The following NXPE2 variants were observed in gnomAD, a reference collection of about 807,000 sequenced individuals.
NXPE2 encodes NXPE family member 2.
NXPE2 carries 34 observed loss-of-function variants against 34.4 expected under a neutral mutation model. That is an observed-to-expected ratio of 0.99 (90% CI 0.75 to 1.31). The LOEUF (loss-of-function observed/expected upper bound fraction) is 1.31, where lower values mean the gene tolerates loss of function less well. Ranked by LOEUF, NXPE2 falls within the 40% of genes most tolerant of loss-of-function variation. The pLI is 0.00. For synonymous variants in NXPE2, 235 were observed against 231.3 expected (o/e 1.02, Z -0.15); for missense variants, 649 against 672.5 (o/e 0.97, Z 0.39).
At chr11:114,475,282 CG>C in the NXPE2 span, among the ~76,000 whole-genome samples, 1 of 118,192 alleles carries the variant, frequency 8.5e-6, no homozygotes, top group Non-Finnish European at 1.6e-5. Flanking sequence ...CTCGCTCTGT[CG>C]CCCAGGCTAG....
At chr11:114,813,230 C>T in the NXPE2 span, among the ~76,000 whole-genome samples, 2 of 152,218 alleles carry the variant, frequency 1.3e-5, no homozygotes, top group Non-Finnish European at 2.9e-5. Flanking sequence ...CCAGGAGCTG[C>T]CATGAGATCC....
At chr11:114,481,536 C>A in the NXPE2 span, among the ~76,000 whole-genome samples, 1 of 151,930 alleles carries the variant, frequency 6.6e-6, no homozygotes, top group African/African-American at 2.4e-5. Context: ...ATAAGAAATA[C>A]AAATCTAAAA....
chr11:114,632,699 T>TATATATATAAATTTATATATTTATATA, the NXPE2 span, among the ~76,000 whole-genome samples: 2 of 71,954 alleles, frequency 2.8e-5, no homozygotes, highest in Non-Finnish European at 4.8e-5. Context: ...TTTATATATT[T>TATATATATAAATTTATATATTTATATA]ATATAATATA....
At chr11:114,543,533 A>G in the NXPE2 span, among the ~76,000 whole-genome samples, 46 of 145,346 alleles carry the variant, frequency 3.2e-4, 1 homozygote, top group South Asian at 0.01. Context: ...AAAAAAAAAA[A>G]TCTTTTTAGA....
the NXPE2 span, among the ~76,000 whole-genome samples, chr11:114,627,332 T>C: frequency 6.6e-6 from 1 of 152,042 alleles, no homozygotes; most frequent in African/African-American, 2.4e-5. Context: ...TGGCAGAAAC[T>C]CTACAAGCCA....
chr11:114,485,081 T>G, the NXPE2 span, among the ~76,000 whole-genome samples: 570 of 152,340 alleles, frequency 3.7e-3, 4 homozygotes, highest in South Asian at 0.012. Flanking sequence ...TGTATGTATT[T>G]ATGGGGTATA....
chr11:114,587,947 C>T, the NXPE2 span, among the ~76,000 whole-genome samples: 1 of 152,092 alleles, frequency 6.6e-6, no homozygotes, highest in Non-Finnish European at 1.5e-5. Flanking sequence ...TTAATACTAT[C>T]CAACAATTAG....
the NXPE2 span, among the ~76,000 whole-genome samples, chr11:114,786,366 CCGCCCCA>C: frequency 2.3e-5 from 3 of 132,018 alleles, no homozygotes; most frequent in African/African-American, 8.3e-5. Context: ...CCCCCGCCCC[CCGCCCCA>C]CCCCACATGA....
the NXPE2 span, among the ~76,000 whole-genome samples, chr11:114,672,535 G>A: frequency 1.3e-5 from 2 of 151,848 alleles, no homozygotes; most frequent in Non-Finnish European, 2.9e-5. Flanking sequence ...TTGCCAGACT[G>A]GTTAATGGGA....
chr11:114,800,548 T>C, the NXPE2 span, among the ~76,000 whole-genome samples: 1 of 152,230 alleles, frequency 6.6e-6, no homozygotes, highest in Non-Finnish European at 1.5e-5. Flanking sequence ...TAGCAAGATA[T>C]CTGCAAACCT....
the NXPE2 span, among the ~76,000 whole-genome samples, chr11:114,803,810 C>A: frequency 0.56 from 84,930 of 151,702 alleles, 24,610 homozygotes; most frequent in Non-Finnish European, 0.65. Context: ...AAACTCCAGA[C>A]CTCGTGATCC....
Position 114,679,729 on chromosome 11 carries a change from G to C in NXPE2, c.99G>C (p.Trp33Cys). The change falls in exon 2 of 6, where the codon TGG (tryptophan) becomes TGC (cysteine). Residue 33 changes from tryptophan (W) to cysteine (C), a missense_variant. By Grantham distance (215) the Trp-to-Cys change is radical (BLOSUM62 -2). Coordinates refer to ENST00000389586, the MANE Select transcript of NXPE2 (RefSeq NM_182495.6). ...TGTTGACATTTATCTTAATTTTCTG[G>C]ATCATTTACTTGGCTTCAAAAGACC... ...LLMLTFILIF[W>C]IIYLASKDHT... is the part of the protein sequence containing the mutation. 6.5e-7 allele frequency: 1 copy of C among 1,549,856 alleles called. No homozygotes were observed. The highest frequency in any genetic ancestry group is 8.7e-7 in the Non-Finnish European group (1 of 1,145,682).
chr11:114,710,447 A>G (rs569097621), downstream of NXPE2, among the ~76,000 whole-genome samples: 11 of 152,334 alleles, frequency 7.2e-5, no homozygotes, highest in African/African-American at 2.6e-4. Flanking sequence ...AATGATTTTG[A>G]GAGACTACTA....
At chr11:114,536,390 A>C in the NXPE2 span, among the ~76,000 whole-genome samples, 1 of 152,252 alleles carries the variant, frequency 6.6e-6, no homozygotes, top group Non-Finnish European at 1.5e-5. Flanking sequence ...AGCAAGAGCA[A>C]ACATATTCAA....
At chr11:114,758,690 C>T in the NXPE2 span, among the ~76,000 whole-genome samples, 1 of 151,950 alleles carries the variant, frequency 6.6e-6, no homozygotes, top group Non-Finnish European at 1.5e-5. Flanking sequence ...GCATAGATTC[C>T]TTCTAAGGCT....
At chr11:114,639,822 T>TAATATATATTATATTAAATATAAAATAC in the NXPE2 span, among the ~76,000 whole-genome samples, 10 of 117,458 alleles carry the variant, frequency 8.5e-5, 1 homozygote, top group African/African-American at 3.1e-4. Context: ...ATATAAAATA[T>TAATATATATTATATTAAATATAAAATAC]AATATATATT....
the NXPE2 span, chr11:114,594,649 T>C: frequency 6.5e-7 from 1 of 1,537,658 alleles, no homozygotes; most frequent in Non-Finnish European, 8.9e-7. Context: ...ACCACATAAA[T>C]AAAGCATTTC....
the NXPE2 span, chr11:114,594,525 C>G: frequency 1.6e-6 from 1 of 637,390 alleles, no homozygotes; most frequent in South Asian, 1.7e-5. Context: ...TAATGATTAT[C>G]AGGTATGTTG....
the NXPE2 span, among the ~76,000 whole-genome samples, chr11:114,570,227 C>T: frequency 1.3e-5 from 2 of 152,082 alleles, no homozygotes; most frequent in Non-Finnish European, 2.9e-5. Flanking sequence ...TTTGGTCTCT[C>T]CAGTCTTTGA....
Sources: allele counts gnomAD v4.1 joint callset (sites outside exome capture counted in the v4.1 genomes callset), GRCh38; gene constraint gnomAD v4.1.1; transcripts MANE v1.5; gene names NCBI Gene and HGNC (gene_info 2026-07-23, HGNC 2026-07-21).